Variants in RANBP2 observed in about 807,000 individuals in gnomAD.
RANBP2 encodes the protein RAN binding protein 2.
RANBP2 carries 57 observed loss-of-function variants against 303.6 expected under a neutral mutation model. The observed-to-expected ratio is 0.19, with a 90% CI of 0.15 to 0.23. The LOEUF (loss-of-function observed/expected upper bound fraction) is 0.23, where lower values mean the gene tolerates loss of function less well. RANBP2 is among the 10% of genes least tolerant of loss of function. The pLI, the probability that RANBP2 is intolerant of heterozygous loss-of-function variation, is 1.00. For missense variants in RANBP2, 3,138 were observed against 3,780.8 expected, an observed-to-expected ratio of 0.83 and a Z score of 4.46; for synonymous variants, 1,167 against 1,301.5, an observed-to-expected ratio of 0.90 and a Z score of 2.23.
the RANBP2 span, among the ~76,000 whole-genome samples, chr2:108,988,588 C>T: frequency 3.3e-5 from 5 of 152,086 alleles, no homozygotes; most frequent in African/African-American, 1.2e-4. Flanking sequence ...GTCCCTGCCG[C>T]GCCTGCCTTC....
At chr2:109,613,759 G>A in the RANBP2 span, 1 of 1,195,594 alleles carries the variant, frequency 8.4e-7, no homozygotes, top group Non-Finnish European at 1.0e-6. Context: ...CGGGGGCCGG[G>A]GAGCGCGGGG....
At chr2:109,182,372 G>A in the RANBP2 span, among the ~76,000 whole-genome samples, 33 of 152,284 alleles carry the variant, frequency 2.2e-4, 2 homozygotes, top group East Asian at 6.4e-3. Context: ...CACTTAGGAA[G>A]GTGAAGCCCT....
chr2:109,438,259 A>G, the RANBP2 span, among the ~76,000 whole-genome samples: 1 of 152,148 alleles, frequency 6.6e-6, no homozygotes, highest in South Asian at 2.1e-4. Context: ...TGCAGGGTAG[A>G]CTTCAGGTAT....
At chr2:108,963,853 G>T in the RANBP2 span, among the ~76,000 whole-genome samples, 1 of 152,204 alleles carries the variant, frequency 6.6e-6, no homozygotes, top group African/African-American at 2.4e-5. Context: ...GTGTGAGCTG[G>T]CTGGAGAGAC....
At chr2:109,629,232 A>AAATAAATAAATAAAT in the RANBP2 span, among the ~76,000 whole-genome samples, 545 of 135,744 alleles carry the variant, frequency 4.0e-3, 7 homozygotes, top group East Asian at 9.2e-3. Context: ...ATAAATAAAT[A>AAATAAATAAATAAAT]AATAAAATGC....
the RANBP2 span, among the ~76,000 whole-genome samples, chr2:109,398,416 T>G: frequency 2.0e-5 from 3 of 152,182 alleles, no homozygotes; most frequent in African/African-American, 7.2e-5. Flanking sequence ...TCCAAAAACC[T>G]TTTCAATAAA....
At chr2:109,202,820 C>T in the RANBP2 span, among the ~76,000 whole-genome samples, 2 of 152,222 alleles carry the variant, frequency 1.3e-5, no homozygotes, top group Non-Finnish European at 2.9e-5. Context: ...GAGCCCCATT[C>T]CCGGGAAAGG....
At chr2:108,827,913 C>T in the RANBP2 span, among the ~76,000 whole-genome samples, 1 of 151,818 alleles carries the variant, frequency 6.6e-6, no homozygotes, top group Non-Finnish European at 1.5e-5. Flanking sequence ...CATTCCCATT[C>T]CCATATGTAA....
chr2:108,894,753 T>TAAGTAA, the RANBP2 span: 1 of 113,426 alleles, frequency 8.8e-6, no homozygotes, highest in African/African-American at 5.6e-5. Context: ...TGTTTCCAAA[T>TAAGTAA]AAGTAAATGA....
the RANBP2 span, chr2:108,923,504 C>T: frequency 3.9e-6 from 6 of 1,555,838 alleles, no homozygotes; most frequent in South Asian, 1.1e-5. Flanking sequence ...GGACAGCACA[C>T]AGGCAGGGAC....
chr2:109,493,329 A>G, the RANBP2 span, among the ~76,000 whole-genome samples: 1 of 142,508 alleles, frequency 7.0e-6, no homozygotes, highest in African/African-American at 2.6e-5. Context: ...ACACCATACA[A>G]ACACACCCCA....
intron 27 of RANBP2, 55 bp from the exon 28 acceptor site, chr2:108,782,473 T>C: frequency 6.2e-7 from 1 of 1,613,412 alleles, no homozygotes; most frequent in Non-Finnish European, 8.5e-7. Context: ...ACAAAACAAC[T>C]TATAACAGTT....
the RANBP2 span, among the ~76,000 whole-genome samples, chr2:109,085,113 C>A: frequency 6.6e-6 from 1 of 152,238 alleles, no homozygotes; most frequent in South Asian, 2.1e-4. Flanking sequence ...ATAAGAGACT[C>A]CAGGAAGCCG....
the RANBP2 span, among the ~76,000 whole-genome samples, chr2:109,244,510 A>G: frequency 6.6e-6 from 1 of 152,168 alleles, no homozygotes; most frequent in African/African-American, 2.4e-5. Flanking sequence ...TGAGATTGAA[A>G]ATTAAATTTA....
the RANBP2 span, among the ~76,000 whole-genome samples, chr2:109,325,381 A>G: frequency 8.4e-6 from 1 of 118,896 alleles, no homozygotes; most frequent in African/African-American, 3.4e-5. Flanking sequence ...TTGCTCTGTC[A>G]CTCAGGCTGG....
At chr2:108,935,673 A>C in the RANBP2 span, among the ~76,000 whole-genome samples, 1 of 152,090 alleles carries the variant, frequency 6.6e-6, no homozygotes. Flanking sequence ...CAGACTCTGC[A>C]CTAGACACCG....
chr2:109,255,180 G>T, the RANBP2 span, among the ~76,000 whole-genome samples: 1 of 152,298 alleles, frequency 6.6e-6, no homozygotes, highest in South Asian at 2.1e-4. Context: ...CTTTGTGTGT[G>T]TGGCATTTCA....
intron 2 of RANBP2, 76 bp from the exon 3 acceptor site, chr2:108,730,698 A>G: frequency 1.3e-6 from 2 of 1,547,100 alleles, no homozygotes; most frequent in Non-Finnish European, 8.9e-7. Flanking sequence ...GCTTTGGTTT[A>G]AGATGTATTC....
chr2:109,058,909 T>C, the RANBP2 span, among the ~76,000 whole-genome samples: 3 of 152,240 alleles, frequency 2.0e-5, no homozygotes, highest in African/African-American at 7.2e-5. Flanking sequence ...CCTCTGCTGA[T>C]AGCACAGTTC....
Sources: allele counts gnomAD v4.1 joint callset (sites outside exome capture counted in the v4.1 genomes callset), GRCh38; gene constraint gnomAD v4.1.1; transcripts MANE v1.5; gene names NCBI Gene and HGNC (gene_info 2026-07-23, HGNC 2026-07-21).